ABCA13: variants seen among roughly 807,000 people sequenced by gnomAD.
ABCA13 encodes the protein ATP-binding cassette sub-family A member 13.
A neutral mutation model predicts 478.7 loss-of-function variants in ABCA13; 476 were observed. That is an observed-to-expected ratio of 0.99 (90% CI 0.92 to 1.07). The LOEUF is 1.07. ABCA13 is among the 50% of genes least tolerant of loss of function. The pLI is 0.00. For synonymous variants in ABCA13, 2,252 were observed against 2,158.9 expected (o/e 1.04, Z -1.20); for missense variants, 6,060 against 5,910.6 (o/e 1.03, Z -0.83).
At chr7:48,386,625 G>A (rs1815231907) in intron 35 of ABCA13, among the ~76,000 whole-genome samples, 1 of 152,116 alleles carries the variant, frequency 6.6e-6, no homozygotes. Flanking sequence ...TAAAAAACAA[G>A]CAATGGGGAA....
At chr7:48,397,452 T>G (rs1202727674) in intron 38 of ABCA13, among the ~76,000 whole-genome samples, 6 of 151,914 alleles carry the variant, frequency 3.9e-5, no homozygotes, top group Admixed American at 2.0e-4. Flanking sequence ...AAAAAACTCC[T>G]TATAATAAAA....
intron 3 of ABCA13, among the ~76,000 whole-genome samples, chr7:48,218,234 C>T (rs73694371): frequency 0.03 from 4,529 of 152,210 alleles, 190 homozygotes; most frequent in African/African-American, 0.096. Flanking sequence ...GTTTCCGAGG[C>T]GAATCTCATG....
chr7:48,411,029 TTC>T (rs761795553), intron 40 of ABCA13, among the ~76,000 whole-genome samples: 45 of 120,970 alleles, frequency 3.7e-4, no homozygotes, highest in Middle Eastern at 7.4e-3. Context: ...CTTTCTTTCT[TTC>T]TTTCTTTCTT....
chr7:48,622,274 G>A (rs766364643), intron 59 of ABCA13, among the ~76,000 whole-genome samples: 8 of 152,034 alleles, frequency 5.3e-5, no homozygotes, highest in South Asian at 2.1e-4. Context: ...TCTTTCTGCC[G>A]AACCTTCTCT....
chr7:48,495,072 A>G (rs1830160392), intron 48 of ABCA13, among the ~76,000 whole-genome samples: 2 of 152,196 alleles, frequency 1.3e-5, no homozygotes, highest in Admixed American at 6.5e-5. Context: ...ATAATTCTGT[A>G]CCAATAGATT....
intron 31 of ABCA13, among the ~76,000 whole-genome samples, chr7:48,357,102 T>C (rs1810050554): frequency 6.6e-6 from 1 of 151,862 alleles, no homozygotes; most frequent in Non-Finnish European, 1.5e-5. Context: ...TGGACTTTGA[T>C]GTGTCTTGGG....
intron 10 of ABCA13, among the ~76,000 whole-genome samples, chr7:48,241,869 G>T (rs1790881039): frequency 6.6e-6 from 1 of 152,146 alleles, no homozygotes; most frequent in South Asian, 2.1e-4. Flanking sequence ...TTAGCAAACA[G>T]GATCTTGCTT....
chr7:48,463,957 A>C (rs1486065775), intron 43 of ABCA13, among the ~76,000 whole-genome samples: 1 of 152,128 alleles, frequency 6.6e-6, no homozygotes, highest in Non-Finnish European at 1.5e-5. Context: ...TCTAAATCAG[A>C]ACCACTGGGG....
At chr7:48,440,852 G>A (rs1823489598) in intron 42 of ABCA13, among the ~76,000 whole-genome samples, 1 of 151,928 alleles carries the variant, frequency 6.6e-6, no homozygotes, top group Admixed American at 6.6e-5. Flanking sequence ...TGCAATAAAA[G>A]CTAATGCTAT....
intron 43 of ABCA13, among the ~76,000 whole-genome samples, chr7:48,464,288 G>T (rs1258557727): frequency 6.6e-6 from 1 of 152,118 alleles, no homozygotes; most frequent in African/African-American, 2.4e-5. Context: ...TTCCTAATTT[G>T]TTAGAAACCT....
At chr7:48,238,185 T>C (rs1300847671) in intron 8 of ABCA13, among the ~76,000 whole-genome samples, 1 of 152,112 alleles carries the variant, frequency 6.6e-6, no homozygotes, top group Non-Finnish European at 1.5e-5. Context: ...ACTCCCTGGG[T>C]CTCTTTTATC....
At chr7:48,564,622 T>C (rs1426024001) in intron 55 of ABCA13, among the ~76,000 whole-genome samples, 1 of 151,928 alleles carries the variant, frequency 6.6e-6, no homozygotes, top group Non-Finnish European at 1.5e-5. Flanking sequence ...TCTCAATCTA[T>C]CAATATCTTG....
intron 58 of ABCA13, among the ~76,000 whole-genome samples, chr7:48,604,856 G>C (rs1479813527): frequency 1.3e-5 from 2 of 152,142 alleles, no homozygotes; most frequent in African/African-American, 4.8e-5. Flanking sequence ...TATTGTGTGG[G>C]AGTATAAATC....
chr7:48,477,143 G>GTTTAATACAGAGGGTGTATTT (rs1828190214), intron 45 of ABCA13, among the ~76,000 whole-genome samples: 1 of 152,138 alleles, frequency 6.6e-6, no homozygotes, highest in Non-Finnish European at 1.5e-5. Flanking sequence ...TCAATATTCA[G>GTTTAATACAGAGGGTGTATTT]TTTAATACAG....
chr7:48,546,845 T>C (rs1784858655), intron 55 of ABCA13, among the ~76,000 whole-genome samples: 1 of 151,806 alleles, frequency 6.6e-6, no homozygotes, highest in South Asian at 2.1e-4. Context: ...AACTCATTTA[T>C]TGCTTTTAAA....
At chr7:48,458,478 G>A (rs1390945598) in intron 43 of ABCA13, among the ~76,000 whole-genome samples, 2 of 152,130 alleles carry the variant, frequency 1.3e-5, no homozygotes, top group East Asian at 1.9e-4. Context: ...CCTGCATGTG[G>A]CTTTCAAAAA....
At position 48,508,480 on chromosome 7, in the gene ABCA13, T is replaced by G. The variant is rs112504666; in HGVS notation, c.13524+431T>G. On this transcript the variant is annotated intron_variant, in intron 50 of 61. Coordinates refer to ENST00000435803, the MANE Select transcript of ABCA13 (RefSeq NM_152701.5). ...GCGGGTATTATTAGCATTTTTGGAA[T>G]GCACTCAGTTTCCCAATGGAAACCC... 6.6e-5 allele frequency among the ~76,000 whole-genome samples: 10 copies of G among 152,206 alleles called. 1 individual carries two copies. Among genetic ancestry groups the G allele is most frequent in the African/African-American group, 2.4e-4 (10 of 41,544 alleles).
intron 20 of ABCA13, among the ~76,000 whole-genome samples, chr7:48,294,314 T>C (rs2128823806): frequency 6.6e-6 from 1 of 152,178 alleles, no homozygotes; most frequent in African/African-American, 2.4e-5. Context: ...GTATATTAAT[T>C]CTCTAGATGT....
chr7:48,230,677 A>G (rs1285559379), intron 7 of ABCA13, among the ~76,000 whole-genome samples: 2 of 151,888 alleles, frequency 1.3e-5, no homozygotes, highest in African/African-American at 2.4e-5. Flanking sequence ...CAACCTCTTT[A>G]TACATCTATC....
Sources: allele counts gnomAD v4.1 joint callset (sites outside exome capture counted in the v4.1 genomes callset), GRCh38; gene constraint gnomAD v4.1.1; transcripts MANE v1.5; gene names NCBI Gene and HGNC (gene_info 2026-07-23, HGNC 2026-07-21).